Variants in SGO1 observed in about 807,000 individuals in gnomAD.
The protein encoded by SGO1 is serologically defined breast cancer antigen NY-BR-85.
In SGO1, 39 loss-of-function variants were observed where a neutral mutation model predicts 50.5. The observed-to-expected ratio is 0.77, with a 90% confidence interval of 0.60 to 1.01. The LOEUF (loss-of-function observed/expected upper bound fraction) is 1.01. Ranked by LOEUF, SGO1 falls within the 50% of genes least tolerant of loss-of-function variation. SGO1 has a pLI of 0.00. For synonymous variants in SGO1, 191 were observed against 205.1 expected, an observed-to-expected ratio of 0.93 and a Z score of 0.59; for missense variants, 638 against 606.0, an observed-to-expected ratio of 1.05 and a Z score of -0.55.
intron 3 of SGO1, 42 bp downstream of exon 3, chr3:20,183,566 G>C (rs999220387): frequency 4.2e-6 from 6 of 1,443,736 alleles, no homozygotes. Flanking sequence ...CTTATTCATG[G>C]CTTAACTAAA....
rs1048951336 is a variant in SGO1, at chr3:20,169,673, G to C, written c.*1031C>G. On this transcript the variant is annotated 3_prime_UTR_variant, in exon 8 of 8. Transcript: ENST00000412997. ...TCTCTGAGATTTCTGACTAAATAAGGAGCTACCCTGAAAGTACATGACATT... is the reference window on the plus strand; with the variant it reads ...TCTCTGAGATTTCTGACTAAATAAGCAGCTACCCTGAAAGTACATGACATT... The C allele has an allele frequency of 1.1e-6, 1 of 941,124 alleles. No homozygotes were observed. The highest frequency in any genetic ancestry group is 1.3e-6 in the Non-Finnish European group (1 of 789,964). The allele number at this position is 941,124 out of a possible 1,614,324, so 58.3% of individuals were successfully genotyped here.
At chr3:20,180,303 C>T (rs1490749238) in intron 3 of SGO1, among the ~76,000 whole-genome samples, 2 of 152,008 alleles carry the variant, frequency 1.3e-5, no homozygotes, top group Non-Finnish European at 1.5e-5. Context: ...AAAAAAGAGT[C>T]GTTTCAAATG....
chr3:20,169,054 A>G, downstream of SGO1: 1 of 985,296 alleles, frequency 1.0e-6, no homozygotes, highest in Non-Finnish European at 1.2e-6. Flanking sequence ...TTAAAAATTA[A>G]GAGACTGTGA....
Position 20,174,660 on chromosome 3 carries a change from T to G in SGO1, c.871A>C (p.Lys291Gln). The G allele has an allele frequency of 6.2e-7, 1 of 1,605,714 alleles. No individual in the cohort carries two copies. Among genetic ancestry groups the G allele is most frequent in the Non-Finnish European group, 8.5e-7 (1 of 1,177,026 alleles). ...TTAGCTTTTCTTTTCTCTTCTCTTT[T>G]TCTTTCTTGTGTATCTCTTTGCTTA... The part of the protein sequence containing the change: ...KSKQRDTQER[K>Q]REEKRKANRR... The change falls in exon 6 of 8, where the codon AAA becomes CAA. Residue 291 changes from lysine to glutamine, a missense_variant. By Grantham distance (53) the Lys-to-Gln change is moderately conservative. Transcript: ENST00000412997.
At chr3:20,184,151 GTAGA>G (rs1211960628) in intron 1 of SGO1, 117 bp from the exon 2 acceptor site, 51 of 699,406 alleles carry the variant, frequency 7.3e-5, no homozygotes, top group Non-Finnish European at 9.5e-5. Context: ...TTAGCTCAAA[GTAGA>G]TAGTTAACCA....
At chr3:20,175,590 A>G (rs1368488109) in intron 5 of SGO1, among the ~76,000 whole-genome samples, 1 of 151,666 alleles carries the variant, frequency 6.6e-6, no homozygotes, top group Non-Finnish European at 1.5e-5. Context: ...AGGTCAGGAG[A>G]TCGAGACCAT....
chr3:20,184,043 T>C lies in SGO1; in HGVS notation c.-7-9A>G, dbSNP rs751029610. 4.4e-5 allele frequency: 68 copies of C among 1,548,904 alleles called. No homozygotes were observed. Among genetic ancestry groups the C allele is most frequent in the Non-Finnish European group, 3.5e-5 (41 of 1,157,636 alleles). On this transcript the variant is annotated splice_polypyrimidine_tract_variant and intron_variant, in intron 1 of 7. Coordinates refer to ENST00000412997, the MANE Select transcript of SGO1 (RefSeq NM_001199251.3). Reference sequence around the variant, plus strand: ...CCTTGGCCATCTTTTGCCTAAACAATAAAAAATATTTTTTCTCAGAGAGAA... The same window carrying C: ...CCTTGGCCATCTTTTGCCTAAACAACAAAAAATATTTTTTCTCAGAGAGAA...
downstream of SGO1, among the ~76,000 whole-genome samples, chr3:20,166,780 C>T (rs200939736): frequency 8.9e-5 from 12 of 134,124 alleles, no homozygotes; most frequent in East Asian, 4.5e-4. Flanking sequence ...TAAGATTGGA[C>T]GATTGCTTGA....
Position 20,174,815 on chromosome 3 carries a change from T to G in SGO1, c.716A>C (p.Glu239Ala). 1 of 1,614,158 alleles carries G rather than the reference T, an allele frequency of 6.2e-7. No homozygotes were observed. Among genetic ancestry groups the G allele is most frequent in the Non-Finnish European group, 8.5e-7 (1 of 1,180,020 alleles). Residue 239 changes from glutamate to alanine, a missense_variant, in exon 6 of 8, where the codon GAA (glutamate) becomes GCA (alanine). By Grantham distance (107) the Glu-to-Ala change is moderately radical. Coordinates refer to ENST00000412997, the MANE Select transcript of SGO1 (RefSeq NM_001199251.3). ...LDPLVNMHIP[E>A]NVQHNACQWS... is the part of the protein sequence containing the mutation. Reference sequence around the variant, plus strand: ...TTGACAAGCATTGTGTTGTACATTTTCAGGTATGTGCATGTTTACTAGTGG... The same window carrying G: ...TTGACAAGCATTGTGTTGTACATTTGCAGGTATGTGCATGTTTACTAGTGG...
Position 20,169,841 on chromosome 3 carries a change from T to C in SGO1, c.*863A>G, listed in dbSNP as rs991494657. On this transcript the variant is annotated 3_prime_UTR_variant, in exon 8 of 8. Transcript: ENST00000412997. ...CATATTTTATCTGAAAAATTAAATA[T>C]AACAGTGGTATAAGGAATTCATAAA... is the stretch of plus-strand genomic sequence containing the variant. 1.0e-6 allele frequency: 1 copy of C among 976,376 alleles called. No homozygotes were observed. Among genetic ancestry groups the C allele is most frequent in the Non-Finnish European group, 1.2e-6 (1 of 821,752 alleles). The allele number at this position is 976,376 out of a possible 1,614,324, so 60.5% of individuals were successfully genotyped here. A position where few individuals can be genotyped will look rare whatever the true frequency, so the allele number is the denominator to read the frequency against.
chr3:20,174,477 C>T lies in SGO1; in HGVS notation c.1054G>A (p.Val352Met), dbSNP rs778172341. 9 of 1,614,020 alleles carry T rather than the reference C, an allele frequency of 5.6e-6. No homozygotes were observed. Among genetic ancestry groups the T allele is most frequent in the Middle Eastern group, 1.6e-4 (1 of 6,084 alleles). Reference protein sequence around the residue: ...GVHLTPFRQKVSNDSNREENN... With the variant: ...GVHLTPFRQKMSNDSNREENN... ...TCTTCTCTATTAGAGTCATTGCTCA[C>T]TTTTTGTCGGAAAGGAGTAAGATGA... The change falls in exon 6 of 8, where the codon GTG becomes ATG. Residue 352 changes from valine (V) to methionine (M), a missense_variant. By Grantham distance (21) the Val-to-Met change is conservative (BLOSUM62 1). Coordinates refer to ENST00000412997, the MANE Select transcript of SGO1 (RefSeq NM_001199251.3).
intron 6 of SGO1, among the ~76,000 whole-genome samples, chr3:20,172,374 G>A (rs2125278590): frequency 6.6e-6 from 1 of 152,186 alleles, no homozygotes; most frequent in African/African-American, 2.4e-5. Flanking sequence ...GGTGGCACAT[G>A]CCTGTAATCC....
chr3:20,161,181 TATAAA>T lies in SGO1; in HGVS notation c.1605_1609del (p.Tyr537CysfsTer12). The T allele has an allele frequency of 1.2e-6, 2 of 1,610,162 alleles. No individual in the cohort carries two copies. Among genetic ancestry groups the T allele is most frequent in the Non-Finnish European group, 8.5e-7 (1 of 1,178,884 alleles). ...TCTCGAAACAAATTCTCGAACATAATATAAAATAAAAATTGCTTCTTTGGCAGGTG... is the reference window on the plus strand; with the variant it reads ...TCTCGAAACAAATTCTCGAACATAATATAAAAATTGCTTCTTTGGCAGGTG... On this transcript the variant is annotated frameshift_variant, in exon 9 of 9. Transcript: ENST00000263753. LOFTEE classifies it high-confidence loss of function.
In SGO1 at chr3:20,171,204, A is replaced by T; in HGVS notation, c.1311T>A (p.Pro437=). The change falls in exon 7 of 8, where the codon CCT becomes CCA. Residue 437 remains proline, a synonymous_variant. Transcript: ENST00000412997. ...TGGTGATATCCTTCAGGCTAAGATG[A>T]GGTGACTGCTGAGTTTCAGGTGGTG... ...TTTPPETQQS[P]HLSLKDITNV... The T allele has an allele frequency of 1.9e-6, 3 of 1,600,878 alleles. No individual in the cohort carries two copies. Among genetic ancestry groups the T allele is most frequent in the South Asian group, 1.1e-5 (1 of 88,420 alleles).
Position 20,174,862 on chromosome 3 carries a change from G to A in SGO1, c.669C>T (p.Phe223=), listed in dbSNP as rs759687371. 20 of 1,613,770 alleles carry A rather than the reference G, an allele frequency of 1.2e-5. No individual in the cohort carries two copies. Among genetic ancestry groups the A allele is most frequent in the Non-Finnish European group, 1.5e-5 (18 of 1,179,974 alleles). The change falls in exon 6 of 8, where the codon TTC becomes TTT. Residue 223 remains phenylalanine, a synonymous_variant. Coordinates refer to ENST00000412997, the MANE Select transcript of SGO1 (RefSeq NM_001199251.3). ...TSHLAGKSFE[F]ERVGFLDPLV... ...GTGGGTCTAAAAATCCAACTCTTTCGAATTCAAAAGACTTCCCTGCCAAAT... is the reference window on the plus strand; with the variant it reads ...GTGGGTCTAAAAATCCAACTCTTTCAAATTCAAAAGACTTCCCTGCCAAAT...
At position 20,169,747 on chromosome 3, in the gene SGO1, T is replaced by C; in HGVS notation, c.*957A>G. On this transcript the variant is annotated 3_prime_UTR_variant, in exon 8 of 8. Transcript: ENST00000412997. Reference sequence around the variant, plus strand: ...CTGAACATACAATTAGAGCTTGGGGTTCACAATTAGTCACTTATCTTGTCC... The same window carrying C: ...CTGAACATACAATTAGAGCTTGGGGCTCACAATTAGTCACTTATCTTGTCC... The C allele has an allele frequency of 1.1e-6, 1 of 921,094 alleles. No homozygotes were observed. The highest frequency in any genetic ancestry group is 1.8e-5 in the African/African-American group (1 of 55,938). The allele number at this position is 921,094 out of a possible 1,614,324, so 57.1% of individuals were successfully genotyped here. A position where few individuals can be genotyped will look rare whatever the true frequency, so the allele number is the denominator to read the frequency against.
rs557603932 is a variant in SGO1 at position 20,162,153 on chromosome 3, T to C, written c.1565-927A>G. ...ATGCAGAGAAAGAGCTCCAGAATTC[T>C]GTCTCCTGAATGTTGACTGAATACT... On this transcript the variant is annotated intron_variant, in intron 8 of 8. Transcript: ENST00000263753. Among the ~76,000 whole-genome samples, 357 of 152,338 alleles carry C rather than the reference T, an allele frequency of 2.3e-3. 3 individuals carry two copies. The highest frequency in any genetic ancestry group is 3.9e-3 in the Non-Finnish European group (264 of 68,024).
chr3:20,178,814 TAGG>T (rs1417604310), intron 3 of SGO1, among the ~76,000 whole-genome samples: 2 of 151,954 alleles, frequency 1.3e-5, no homozygotes, highest in Non-Finnish European at 2.9e-5. Context: ...CTGAGAACAG[TAGG>T]AGATGTACAT....
intron 8 of SGO1, among the ~76,000 whole-genome samples, chr3:20,163,817 T>C (rs748157415): frequency 1.3e-5 from 2 of 152,206 alleles, no homozygotes; most frequent in Non-Finnish European, 2.9e-5. Context: ...GGGAATATTA[T>C]GAATAACATG....
Sources: gnomAD v4.1 joint callset for allele counts (sites outside exome capture counted in the v4.1 genomes callset) on GRCh38, gnomAD v4.1.1 for gene constraint, MANE v1.5 for transcripts, NCBI Gene and HGNC (gene_info 2026-07-23, HGNC 2026-07-21) for gene names.